The following DNM3 variants were observed in gnomAD, a reference collection of about 807,000 sequenced individuals.
DNM3 encodes dynamin 3.
Under a neutral mutation model 101.6 loss-of-function variants are expected in DNM3, and 47 were observed. The observed-to-expected ratio is 0.46, with a 90% CI of 0.37 to 0.59. The LOEUF (loss-of-function observed/expected upper bound fraction) is 0.59. Ranked by LOEUF, DNM3 falls within the 20% of genes least tolerant of loss-of-function variation. The probability of loss-of-function intolerance (pLI) is 0.00; values close to 1 mark genes in which losing one functional copy is unlikely to be tolerated. For synonymous variants in DNM3, 385 were observed against 387.9 expected (o/e 0.99, Z 0.09); for missense variants, 849 against 1,085.7 (o/e 0.78, Z 3.06).
intron 6 of DNM3, among the ~76,000 whole-genome samples, chr1:172,034,975 G>A (rs1332935112): frequency 6.6e-6 from 1 of 152,022 alleles, no homozygotes; most frequent in Admixed American, 6.6e-5. Context: ...AGATCCGTGA[G>A]TGAAAAAAGA....
chr1:172,193,839 A>AT (rs923240669), intron 14 of DNM3, among the ~76,000 whole-genome samples: 13 of 151,688 alleles, frequency 8.6e-5, no homozygotes, highest in Non-Finnish European at 1.9e-4. Context: ...TTTTTGAAGA[A>AT]TTTTTTGTGT....
chr1:171,913,963 A>G (rs1571580663), intron 1 of DNM3, among the ~76,000 whole-genome samples: 2 of 149,622 alleles, frequency 1.3e-5, no homozygotes, highest in East Asian at 2.0e-4. Context: ...TAATTTTTAC[A>G]TTTTTTGTAG....
chr1:172,197,145 C>T (rs914608664), intron 14 of DNM3, among the ~76,000 whole-genome samples: 1 of 152,112 alleles, frequency 6.6e-6, no homozygotes, highest in African/African-American at 2.4e-5. Context: ...GTTATCCCAG[C>T]ACCATTTATT....
intron 14 of DNM3, among the ~76,000 whole-genome samples, chr1:172,185,170 G>A (rs895613703): frequency 1.3e-5 from 2 of 151,986 alleles, no homozygotes; most frequent in African/African-American, 2.4e-5. Flanking sequence ...TGGAATTGAG[G>A]GAAGCTCCTA....
At chr1:171,959,067 A>C (rs532329561) in intron 2 of DNM3, among the ~76,000 whole-genome samples, 1 of 152,294 alleles carries the variant, frequency 6.6e-6, no homozygotes, top group African/African-American at 2.4e-5. Context: ...TTGGTTAGAG[A>C]TGCACAGGTA....
chr1:171,981,661 T>A (rs929332164), intron 2 of DNM3, among the ~76,000 whole-genome samples: 3 of 152,254 alleles, frequency 2.0e-5, no homozygotes, highest in Admixed American at 6.5e-5. Flanking sequence ...TCTGATTTTT[T>A]AAATATTCTC....
At chr1:172,315,011 C>G (rs560267731) in intron 16 of DNM3, among the ~76,000 whole-genome samples, 40 of 152,268 alleles carry the variant, frequency 2.6e-4, no homozygotes, top group Admixed American at 5.2e-4. Context: ...AGACTGACAC[C>G]TCACACGGCC....
chr1:172,305,010 G>A (rs2064715945), intron 15 of DNM3, among the ~76,000 whole-genome samples: 1 of 152,164 alleles, frequency 6.6e-6, no homozygotes, highest in Non-Finnish European at 1.5e-5. Flanking sequence ...AAAGCTAGCA[G>A]AAGGCAAGAA....
At chr1:172,087,639 A>T (rs2053623216) in intron 12 of DNM3, among the ~76,000 whole-genome samples, 1 of 151,976 alleles carries the variant, frequency 6.6e-6, no homozygotes, top group South Asian at 2.1e-4. Flanking sequence ...ATCTTTACCA[A>T]GTTCATGTGA....
intron 5 of DNM3, among the ~76,000 whole-genome samples, 182 bp from the exon 6 acceptor site, chr1:172,032,923 G>A (rs2048718693): frequency 3.3e-5 from 5 of 152,002 alleles, no homozygotes; most frequent in Admixed American, 2.0e-4. Context: ...AAATTATCGT[G>A]GGCTCAATCA....
At chr1:172,272,545 CA>C (rs1400406162) in intron 15 of DNM3, among the ~76,000 whole-genome samples, 6 of 152,116 alleles carry the variant, frequency 3.9e-5, no homozygotes, top group Non-Finnish European at 7.4e-5. Context: ...AGTGATTCTA[CA>C]CTTTGGCTAT....
chr1:172,270,731 A>C (rs1350470860), intron 15 of DNM3, among the ~76,000 whole-genome samples: 1 of 152,148 alleles, frequency 6.6e-6, no homozygotes, highest in Admixed American at 6.6e-5. Flanking sequence ...CATGAAGAAA[A>C]TATTTGCAAC....
At chr1:171,992,022 T>C (rs1270156665) in intron 4 of DNM3, among the ~76,000 whole-genome samples, 2 of 152,200 alleles carry the variant, frequency 1.3e-5, no homozygotes, top group Non-Finnish European at 2.9e-5. Flanking sequence ...GCTATAGATA[T>C]CCTGTCTCAC....
rs569760676 is a variant in DNM3, at chr1:172,222,407, C to CA, written c.1660-31166_1660-31165insA. Among the ~76,000 whole-genome samples the CA allele has an allele frequency of 9.9e-5, 15 of 152,276 alleles. 1 individual carries two copies. Among genetic ancestry groups the CA allele is most frequent in the Admixed American group, 9.8e-4 (15 of 15,286 alleles). On this transcript the variant is annotated intron_variant, in intron 14 of 20. Transcript: ENST00000627582. ...GGTTAAAAACACAGATCCCCTGGGGCTTTGCCCCTGGAAAGGAAAGGGAAT... is the reference window on the plus strand; with the variant it reads ...GGTTAAAAACACAGATCCCCTGGGGCATTTGCCCCTGGAAAGGAAAGGGAAT...
intron 14 of DNM3, among the ~76,000 whole-genome samples, chr1:172,193,952 T>C (rs1376338525): frequency 6.6e-6 from 1 of 152,192 alleles, no homozygotes; most frequent in Admixed American, 6.6e-5. Context: ...ATTGTGATGT[T>C]AGGGTGTCAA....
intron 15 of DNM3, among the ~76,000 whole-genome samples, chr1:172,275,215 ATACT>A (rs1557916784): frequency 6.6e-6 from 1 of 152,060 alleles, no homozygotes; most frequent in East Asian, 1.9e-4. Context: ...CATGGTCCAG[ATACT>A]TATTAAATTA....
intron 14 of DNM3, among the ~76,000 whole-genome samples, chr1:172,168,547 C>T (rs1204786702): frequency 6.6e-6 from 1 of 151,920 alleles, no homozygotes; most frequent in Non-Finnish European, 1.5e-5. Context: ...TAGAATTGCT[C>T]ATGAGCAACC....
chr1:171,862,655 G>T (rs1396565758), intron 1 of DNM3, among the ~76,000 whole-genome samples: 2 of 152,116 alleles, frequency 1.3e-5, no homozygotes, highest in South Asian at 4.2e-4. Flanking sequence ...ATTAAATAGA[G>T]ATGGTGTTTT....
chr1:171,914,864 A>G (rs1020075169), intron 1 of DNM3, among the ~76,000 whole-genome samples: 8 of 152,160 alleles, frequency 5.3e-5, no homozygotes, highest in Non-Finnish European at 7.3e-5. Flanking sequence ...CTGAGGGAAC[A>G]CACAAGGGTG....
Sources: gnomAD v4.1 joint callset for allele counts (sites outside exome capture counted in the v4.1 genomes callset) on GRCh38, gnomAD v4.1.1 for gene constraint, MANE v1.5 for transcripts, NCBI Gene and HGNC (gene_info 2026-07-23, HGNC 2026-07-21) for gene names.